The following TRIM55 variants were observed in gnomAD, a reference collection of about 807,000 sequenced individuals.
TRIM55 encodes tripartite motif-containing protein 55.
Under a neutral mutation model 60.9 loss-of-function variants are expected in TRIM55, and 50 were observed. That is an observed-to-expected ratio of 0.82 (90% CI 0.65 to 1.04). TRIM55 has a LOEUF of 1.04. Ranked by LOEUF, TRIM55 falls within the 50% of genes least tolerant of loss-of-function variation. The pLI, the probability that TRIM55 is intolerant of heterozygous loss-of-function variation, is 0.00. For missense variants in TRIM55, 681 were observed against 666.9 expected (o/e 1.02, Z -0.23); for synonymous variants, 237 against 238.1 (o/e 1.00, Z 0.04).
rs61753689 is a variant in TRIM55 at position 66,174,527 on chromosome 8, T to G, written c.1581T>G (p.Ser527Arg). Residue 527 changes from serine to arginine, a missense_variant, in exon 10 of 10, where the codon AGT (serine) becomes AGG (arginine). Coordinates refer to ENST00000315962, the MANE Select transcript of TRIM55 (RefSeq NM_184085.2). Reference sequence around the variant, plus strand: ...AGGCTGCAGCTCCAGCGAGTGGCAGTGGAGCTGATTCTGAGCCAGCTCGCC... The same window carrying G: ...AGGCTGCAGCTCCAGCGAGTGGCAGGGGAGCTGATTCTGAGCCAGCTCGCC... ...QGQAAAPASG[S>R]GADSEPARHI... 2 of 1,612,044 alleles carry G rather than the reference T, an allele frequency of 1.2e-6. No homozygotes were observed.
intron 2 of TRIM55, among the ~76,000 whole-genome samples, chr8:66,129,211 T>C (rs1254116576): frequency 6.6e-6 from 1 of 152,246 alleles, no homozygotes; most frequent in Non-Finnish European, 1.5e-5. Context: ...AAAGGCTTCT[T>C]ATTCACCAAA....
At chr8:66,136,988 G>T (rs1809513089) in intron 3 of TRIM55, 107 bp from the exon 4 acceptor site, 2 of 840,968 alleles carry the variant, frequency 2.4e-6, no homozygotes, top group Non-Finnish European at 1.8e-6. Context: ...CTTAGGGGTT[G>T]CATGGATCCT....
chr8:66,158,423 G>A (rs1472758425), intron 9 of TRIM55, among the ~76,000 whole-genome samples: 1 of 152,094 alleles, frequency 6.6e-6, no homozygotes, highest in Non-Finnish European at 1.5e-5. Context: ...AACAAATTGG[G>A]TAGAAATTTT....
intron 1 of TRIM55, 60 bp from the exon 2 acceptor site, chr8:66,128,244 G>T: frequency 6.9e-7 from 1 of 1,451,084 alleles, no homozygotes; most frequent in Non-Finnish European, 9.3e-7. Context: ...GTGAAAATAA[G>T]TCTCAGAGAA....
At chr8:66,153,136 A>G (rs929585176) in intron 8 of TRIM55, among the ~76,000 whole-genome samples, 1 of 152,154 alleles carries the variant, frequency 6.6e-6, no homozygotes, top group Non-Finnish European at 1.5e-5. Context: ...TAAATAGAGA[A>G]ACTACACTAG....
chr8:66,123,683 C>T (rs566258484), upstream of TRIM55, among the ~76,000 whole-genome samples: 1 of 152,222 alleles, frequency 6.6e-6, no homozygotes, highest in Admixed American at 6.5e-5. Flanking sequence ...TAGCAAGACC[C>T]TTGTCTCTGC....
chr8:66,146,005 T>C (rs1048707891), intron 4 of TRIM55, among the ~76,000 whole-genome samples: 2 of 152,170 alleles, frequency 1.3e-5, no homozygotes, highest in African/African-American at 4.8e-5. Context: ...GGTTTCAGTT[T>C]CCACATGAGT....
In TRIM55 at chr8:66,137,172, CA is replaced by C. The variant is rs1353837322; in HGVS notation, c.586del (p.Thr196ProfsTer34). 6.2e-7 allele frequency: 1 copy of C among 1,614,114 alleles called. No individual in the cohort carries two copies. The highest frequency in any genetic ancestry group is 1.3e-5 in the African/African-American group (1 of 75,040). ...VQGVISQLEDTCKTIEECCRK... is the reference protein window; with the variant it reads ...VQGVISQLEDXCKTIEECCRK... ...AGGGAGTGATCAGCCAGCTGGAAGA[CA>C]CCTGCAAAACTATCGAGGTGAGTCA... On this transcript the variant is annotated frameshift_variant, in exon 4 of 10. Transcript: ENST00000315962. LOFTEE classifies it high-confidence loss of function.
At chr8:66,150,519 C>G in intron 7 of TRIM55, 53 bp downstream of exon 7, 1 of 1,606,574 alleles carries the variant, frequency 6.2e-7, no homozygotes, top group Non-Finnish European at 8.5e-7. Flanking sequence ...TGAAAGCTGC[C>G]GAAGAGTTGG....
At chr8:66,130,565 G>C (rs535475459) in intron 2 of TRIM55, among the ~76,000 whole-genome samples, 2 of 151,594 alleles carry the variant, frequency 1.3e-5, no homozygotes, top group African/African-American at 2.4e-5. Context: ...AGGGGGTCGG[G>C]GGGGGTGACC....
chr8:66,172,457 G>A (rs1811695530), intron 9 of TRIM55, among the ~76,000 whole-genome samples: 1 of 152,184 alleles, frequency 6.6e-6, no homozygotes, highest in Non-Finnish European at 1.5e-5. Context: ...CTGAAAGATA[G>A]CATTGGTCCA....
upstream of TRIM55, among the ~76,000 whole-genome samples, chr8:66,123,799 A>G (rs1808719607): frequency 6.6e-6 from 1 of 152,216 alleles, no homozygotes; most frequent in Non-Finnish European, 1.5e-5. Flanking sequence ...TTGAGGTTTC[A>G]GTGAGCTATG....
chr8:66,157,576 G>C (rs1192713725), intron 9 of TRIM55, among the ~76,000 whole-genome samples: 1 of 152,132 alleles, frequency 6.6e-6, no homozygotes, highest in East Asian at 1.9e-4. Context: ...TGATTCAGTG[G>C]TGGTCTTATC....
intron 2 of TRIM55, among the ~76,000 whole-genome samples, chr8:66,130,507 A>G (rs1809076692): frequency 6.9e-6 from 1 of 143,926 alleles, no homozygotes; most frequent in Admixed American, 7.6e-5. Flanking sequence ...TAACACTGGA[A>G]TGACCTTGGA....
intron 4 of TRIM55, among the ~76,000 whole-genome samples, chr8:66,145,987 C>T (rs1484804986): frequency 6.6e-6 from 1 of 152,200 alleles, no homozygotes; most frequent in East Asian, 1.9e-4. Context: ...AAAGTGACAG[C>T]TCTGCTGGGT....
chr8:66,127,593 G>A (rs529948526), intron 1 of TRIM55, among the ~76,000 whole-genome samples, 157 bp downstream of exon 1: 107 of 152,248 alleles, frequency 7.0e-4, no homozygotes, highest in Non-Finnish European at 1.1e-3. Context: ...TTGGGAGGCT[G>A]AGGCCAGTGG....
At chr8:66,152,908 T>G (rs570672431) in intron 8 of TRIM55, among the ~76,000 whole-genome samples, 1 of 97,050 alleles carries the variant, frequency 1.0e-5, no homozygotes, top group East Asian at 2.1e-4. Flanking sequence ...GGAAATTGTG[T>G]GTGTGTGTGT....
At chr8:66,130,091 C>A (rs910157839) in intron 2 of TRIM55, among the ~76,000 whole-genome samples, 3 of 152,094 alleles carry the variant, frequency 2.0e-5, no homozygotes, top group Non-Finnish European at 4.4e-5. Context: ...GAACTTGAGA[C>A]ATGAAAAAAT....
chr8:66,165,923 C>T (rs1811305263), intron 9 of TRIM55, among the ~76,000 whole-genome samples: 1 of 151,030 alleles, frequency 6.6e-6, no homozygotes, highest in African/African-American at 2.5e-5. Flanking sequence ...TTCATTTGTA[C>T]CCTACAACTG....
Sources: gnomAD v4.1 joint callset for allele counts (sites outside exome capture counted in the v4.1 genomes callset) on GRCh38, gnomAD v4.1.1 for gene constraint, MANE v1.5 for transcripts, NCBI Gene and HGNC (gene_info 2026-07-23, HGNC 2026-07-21) for gene names.